The following ZNF454 variants were observed in gnomAD, a reference collection of about 807,000 sequenced individuals.
The protein encoded by ZNF454 is zinc finger protein 454.
ZNF454 carries 30 observed loss-of-function variants against 48.2 expected under a neutral mutation model. That is an observed-to-expected ratio of 0.62 (90% CI 0.47 to 0.84). The LOEUF is 0.84. Among genes scored for constraint, ZNF454 ranks in the 40% least tolerant of loss-of-function variants. The probability of loss-of-function intolerance (pLI) is 0.00; values close to 1 mark genes in which losing one functional copy is unlikely to be tolerated. For missense variants in ZNF454, 510 were observed against 623.1 expected, an observed-to-expected ratio of 0.82 and a Z score of 1.93; for synonymous variants, 204 against 211.4, an observed-to-expected ratio of 0.97 and a Z score of 0.30.
rs563535036 is a variant in ZNF454, at chr5:178,943,895, T to C, written c.33+1071T>C. On this transcript the variant is annotated intron_variant, in intron 2 of 4. Coordinates refer to ENST00000519564, the MANE Select transcript of ZNF454 (RefSeq NM_001178089.3). ...AAAAAAAATTAGCTGGGCGTGGTGG[T>C]GGGCGCCTGTAGTCCCAGCTACTCG... Among the ~76,000 whole-genome samples the C allele has an allele frequency of 1.6e-4, 25 of 152,026 alleles. 1 individual carries two copies. The South Asian group carries it at 4.8e-3, about 29-fold the overall frequency.
Position 178,966,215 on chromosome 5 carries a change from A to G in ZNF454, c.*242A>G. 2.8e-6 allele frequency: 1 copy of G among 362,376 alleles called. No individual in the cohort carries two copies. Among genetic ancestry groups the G allele is most frequent in the East Asian group, 4.3e-5 (1 of 23,354 alleles). The allele number at this position is 362,376 out of a possible 1,614,324, so 22.4% of individuals were successfully genotyped here. ...TTTGGGAGGCCGAGGTGGGCGGATCACGAGGTCAGGAGATCGAGACCATCC... is the reference window on the plus strand; with the variant it reads ...TTTGGGAGGCCGAGGTGGGCGGATCGCGAGGTCAGGAGATCGAGACCATCC... On this transcript the variant is annotated 3_prime_UTR_variant, in exon 5 of 5. Coordinates refer to ENST00000519564, the MANE Select transcript of ZNF454 (RefSeq NM_001178089.3).
the ZNF454 span, chr5:178,986,984 C>T: frequency 6.2e-7 from 1 of 1,613,400 alleles, no homozygotes; most frequent in South Asian, 1.1e-5. Context: ...CCTGCGCTGC[C>T]TGGAGAGAGA....
chr5:178,969,371 G>A (rs1760209403), downstream of ZNF454: 1 of 437,786 alleles, frequency 2.3e-6, no homozygotes, highest in African/African-American at 2.0e-5. Context: ...TTACTGAGAG[G>A]GAGTTTTCTG....
chr5:178,983,923 G>C, the ZNF454 span, among the ~76,000 whole-genome samples: 1 of 152,212 alleles, frequency 6.6e-6, no homozygotes, highest in South Asian at 2.1e-4. Flanking sequence ...CGCCTGATTG[G>C]GGGCAGGGGT....
the ZNF454 span, chr5:178,983,323 G>A: frequency 4.8e-5 from 48 of 991,348 alleles, no homozygotes; most frequent in Non-Finnish European, 7.5e-5. Context: ...TGAGGCTCTG[G>A]CCTATGGAGG....
the ZNF454 span, chr5:178,981,873 G>A: frequency 2.7e-6 from 4 of 1,471,404 alleles, no homozygotes; most frequent in Non-Finnish European, 3.8e-6. This position sits in a 1 kb window ranked among gnomAD's most constrained non-coding sequence, Gnocchi z 5.1. Context: ...TGGAAGAGGG[G>A]ACCAGATGGG....
At position 178,946,408 on chromosome 5, in the gene ZNF454, G is replaced by C; in HGVS notation, c.83G>C (p.Trp28Ser). 6.2e-7 allele frequency: 1 copy of C among 1,612,898 alleles called. No homozygotes were observed. The highest frequency in any genetic ancestry group is 8.5e-7 in the Non-Finnish European group (1 of 1,179,564). ...DVAILFTQEE[W>S]GQLSPAQRAL... ...GCTATACTGTTCACCCAGGAAGAGT[G>C]GGGGCAGCTGAGCCCCGCCCAGAGG... is the stretch of plus-strand genomic sequence containing the variant. The change falls in exon 3 of 5, where the codon TGG (tryptophan) becomes TCG (serine). Residue 28 changes from tryptophan to serine, a missense_variant. By Grantham distance (177) the Trp-to-Ser change is radical (BLOSUM62 -3). This residue lies in a region of ZNF454 where 354 missense variants were observed against 408.9 expected (regional missense o/e 0.87). Coordinates refer to ENST00000519564, the MANE Select transcript of ZNF454 (RefSeq NM_001178089.3). This position sits in a 1 kb window ranked among gnomAD's most constrained non-coding sequence, Gnocchi z 4.5.
At chr5:178,943,209 G>A (rs1449452655) in intron 2 of ZNF454, among the ~76,000 whole-genome samples, 2 of 152,106 alleles carry the variant, frequency 1.3e-5, no homozygotes, top group Admixed American at 6.6e-5. Context: ...ATTGGCCCAC[G>A]GTTCTGTAGG....
chr5:178,983,884 G>A, the ZNF454 span, among the ~76,000 whole-genome samples: 4 of 152,202 alleles, frequency 2.6e-5, no homozygotes, highest in Non-Finnish European at 5.9e-5. Context: ...TGCCCCACAC[G>A]TTCGTGCTGG....
the ZNF454 span, among the ~76,000 whole-genome samples, chr5:178,988,727 G>A: frequency 2.0e-5 from 3 of 152,160 alleles, no homozygotes; most frequent in Non-Finnish European, 4.4e-5. The surrounding 1 kb of genome is among the most constrained non-coding windows in gnomAD (Gnocchi z 6.0). Flanking sequence ...GCAAACCAGC[G>A]CAGGGAACAC....
the ZNF454 span, chr5:178,988,785 T>G: frequency 1.5e-6 from 1 of 661,312 alleles, no homozygotes; most frequent in South Asian, 1.8e-5. This position sits in a 1 kb window ranked among gnomAD's most constrained non-coding sequence, Gnocchi z 6.0. Flanking sequence ...CCGGAACTTG[T>G]CTCATGTCTT....
At position 178,966,224 on chromosome 5, in the gene ZNF454, G is replaced by A. The variant is rs898668506; in HGVS notation, c.*251G>A. ...CCGAGGTGGGCGGATCACGAGGTCAGGAGATCGAGACCATCCTGGCTAACA... is the reference window on the plus strand; with the variant it reads ...CCGAGGTGGGCGGATCACGAGGTCAAGAGATCGAGACCATCCTGGCTAACA... On this transcript the variant is annotated 3_prime_UTR_variant, in exon 5 of 5. Coordinates refer to ENST00000519564, the MANE Select transcript of ZNF454 (RefSeq NM_001178089.3). 1 of 329,994 alleles carries A rather than the reference G, an allele frequency of 3.0e-6. No individual in the cohort carries two copies. Among genetic ancestry groups the A allele is most frequent in the Non-Finnish European group, 5.5e-6 (1 of 181,250 alleles). The allele number at this position is 329,994 out of a possible 1,614,324, so 20.4% of individuals were successfully genotyped here.
At chr5:178,973,819 G>A in the ZNF454 span, among the ~76,000 whole-genome samples, 1 of 148,580 alleles carries the variant, frequency 6.7e-6, no homozygotes, top group East Asian at 2.0e-4. Context: ...CTCCAGCCTG[G>A]GCGACAGAGC....
At chr5:178,968,798 T>A (rs1290433083), downstream of ZNF454, 4 of 456,748 alleles carry the variant, frequency 8.8e-6, no homozygotes, top group Admixed American at 9.4e-5. Context: ...AATGAACGCA[T>A]GAGAACTACC....
At chr5:178,976,169 A>G in the ZNF454 span, 3 of 453,526 alleles carry the variant, frequency 6.6e-6, no homozygotes, top group South Asian at 4.7e-5. Context: ...CCTTCAGATG[A>G]AGCCTGTACT....
chr5:178,986,477 C>T, the ZNF454 span: 1 of 1,611,836 alleles, frequency 6.2e-7, no homozygotes, highest in Non-Finnish European at 8.5e-7. Flanking sequence ...CCCAGCACGG[C>T]CAGGAGGAGC....
chr5:178,944,145 C>G lies in ZNF454; in HGVS notation c.33+1321C>G, dbSNP rs575123321. The stretch of plus-strand genomic sequence containing the variant: ...CTAATTCCTTCACATTTAAACCTCC[C>G]CAAGGACTGGGATGTGTGGCAGGAA... On this transcript the variant is annotated intron_variant, in intron 2 of 4. Transcript: ENST00000519564. This position sits in a 1 kb window ranked among gnomAD's most constrained non-coding sequence, Gnocchi z 4.1. Among the ~76,000 whole-genome samples, 5 of 152,322 alleles carry G rather than the reference C, an allele frequency of 3.3e-5. No homozygotes were observed. The South Asian group carries it at 1.0e-3, about 32-fold the overall frequency.
At chr5:178,988,878 CA>C in the ZNF454 span, 1 of 1,464,944 alleles carries the variant, frequency 6.8e-7, no homozygotes, top group Non-Finnish European at 9.5e-7. The surrounding 1 kb of genome is among the most constrained non-coding windows in gnomAD (Gnocchi z 6.0). Flanking sequence ...GGCCTCACAG[CA>C]AAATCCAGCC....
chr5:178,989,385 T>G, the ZNF454 span: 1 of 1,613,890 alleles, frequency 6.2e-7, no homozygotes, highest in Non-Finnish European at 8.5e-7. Flanking sequence ...AGGGATCGAG[T>G]CATGAAGTAC....
Sources: allele counts gnomAD v4.1 joint callset (sites outside exome capture counted in the v4.1 genomes callset), GRCh38; gene constraint gnomAD v4.1.1; regional missense constraint gnomAD v4.1.1; non-coding constraint Gnocchi (gnomAD v3.1); transcripts MANE v1.5; gene names NCBI Gene and HGNC (gene_info 2026-07-23, HGNC 2026-07-21).